Variants in PHF12 observed in about 807,000 individuals in gnomAD.
PHF12 encodes PHD factor 1.
Under a neutral mutation model 99.8 loss-of-function variants are expected in PHF12, and 6 were observed. The ratio of observed to expected loss-of-function variants is 0.06; its 90% CI spans 0.03 to 0.12. The LOEUF (loss-of-function observed/expected upper bound fraction) is 0.12, where lower values mean the gene tolerates loss of function less well. Ranked by LOEUF, PHF12 falls within the 10% of genes least tolerant of loss-of-function variation. The pLI is 1.00. For synonymous variants in PHF12, 480 were observed against 514.9 expected (o/e 0.93, Z 0.92); for missense variants, 954 against 1,300.1 (o/e 0.73, Z 4.09).
chr17:28,913,779 G>A, intron 8 of PHF12, 100 bp downstream of exon 8: 1 of 1,472,636 alleles, frequency 6.8e-7, no homozygotes, highest in Non-Finnish European at 9.2e-7. Flanking sequence ...GAGGGTGGGT[G>A]GGGACTGGAA....
Position 28,949,053 on chromosome 17 carries a change from A to AG in PHF12, c.248+1011dup, listed in dbSNP as rs1179578198. 6.6e-6 allele frequency among the ~76,000 whole-genome samples: 1 copy of AG among 151,938 alleles called. No homozygotes were observed. Among genetic ancestry groups the AG allele is most frequent in the Non-Finnish European group, 1.5e-5 (1 of 67,954 alleles). ...GGATCACGCAGCGGGCGATCAACTC[A>AG]GGTCCCTCCCTCTCGGTTCGGTCTC... On this transcript the variant is annotated intron_variant, in intron 2 of 14. Transcript: ENST00000332830. This position sits in a 1 kb window ranked among gnomAD's most constrained non-coding sequence, Gnocchi z 4.6.
chr17:28,949,690 A>C lies in PHF12; in HGVS notation c.248+375T>G. 5.8e-6 allele frequency: 1 copy of C among 173,100 alleles called. No homozygotes were observed. The highest frequency in any genetic ancestry group is 1.2e-5 in the Non-Finnish European group (1 of 81,580). 10.7% of individuals were successfully genotyped at this position (173,100 alleles called of 1,614,324 possible). ...CACCCCGAGGAGATCCCGGCCGGGC[A>C]GGAGCCCCGAGGGCAGCGGGCGCGC... On this transcript the variant is annotated intron_variant, in intron 2 of 14. Coordinates refer to ENST00000332830, the MANE Select transcript of PHF12 (RefSeq NM_001033561.2). The surrounding 1 kb of genome is among the most constrained non-coding windows in gnomAD (Gnocchi z 4.6).
At chr17:28,943,901 T>C (rs1423497032) in intron 2 of PHF12, among the ~76,000 whole-genome samples, 1 of 152,264 alleles carries the variant, frequency 6.6e-6, no homozygotes, top group Non-Finnish European at 1.5e-5. Flanking sequence ...TCACTTGTAC[T>C]TTCACTCAGG....
chr17:28,912,401 G>T (rs1050465067), intron 9 of PHF12, 81 bp downstream of exon 9: 2 of 1,501,086 alleles, frequency 1.3e-6, no homozygotes, highest in Non-Finnish European at 1.8e-6. Flanking sequence ...TATTCACAGG[G>T]ATATAAGTGC....
At chr17:28,921,069 T>C (rs1407113711) in intron 5 of PHF12, among the ~76,000 whole-genome samples, 1 of 148,194 alleles carries the variant, frequency 6.7e-6, no homozygotes, top group Non-Finnish European at 1.5e-5. Flanking sequence ...AATTTTTAGT[T>C]GAGACAGGGT....
rs373492527 is a variant in PHF12, at chr17:28,921,777, G to T, written c.747C>A (p.Thr249=). Residue 249 remains threonine, a synonymous_variant, in exon 5 of 15, where the codon ACC becomes ACA. Transcript: ENST00000332830. ...GSSKRRRKEE[T]TGKNVKKTQH... is the part of the protein sequence containing the mutation. ...GTGTCTTCTTAACATTTTTCCCTGT[G>T]GTTTCCTCCTTTCTTCTCCTCTTGC... 8.7e-6 allele frequency: 14 copies of T among 1,613,990 alleles called. No homozygotes were observed. The highest frequency in any genetic ancestry group is 7.7e-5 in the South Asian group (7 of 91,076).
Position 28,917,285 on chromosome 17 carries a change from C to A in PHF12, c.1134G>T (p.Lys378Asn). 1 of 1,613,474 alleles carries A rather than the reference C, an allele frequency of 6.2e-7. No individual in the cohort carries two copies. The highest frequency in any genetic ancestry group is 8.5e-7 in the Non-Finnish European group (1 of 1,180,026). The change falls in exon 7 of 15, where the codon AAG becomes AAT. Residue 378 changes from lysine (K) to asparagine (N), a missense_variant and splice_region_variant. Around this residue, in one of 8 missense-constraint regions of PHF12, gnomAD observed 392 missense variants for 423.1 expected, o/e 0.93. Coordinates refer to ENST00000332830, the MANE Select transcript of PHF12 (RefSeq NM_001033561.2). Reference sequence around the variant, plus strand: ...TTGCCTGCACCTGATTGTGACTCACCTTCAAGCTTCTTCTTTTGACCGACT... The same window carrying A: ...TTGCCTGCACCTGATTGTGACTCACATTCAAGCTTCTTCTTTTGACCGACT... ...VLQSVKRRSL[K>N]VPDAIKSQYQ...
At chr17:28,916,047 A>G (rs1225972359) in intron 7 of PHF12, among the ~76,000 whole-genome samples, 1 of 152,214 alleles carries the variant, frequency 6.6e-6, no homozygotes, top group Non-Finnish European at 1.5e-5. Flanking sequence ...CTTTAATATC[A>G]TCCATTTCCG....
At chr17:28,946,095 G>A (rs576013133) in intron 2 of PHF12, among the ~76,000 whole-genome samples, 23 of 152,188 alleles carry the variant, frequency 1.5e-4, no homozygotes, top group African/African-American at 5.5e-4. Context: ...TTGCGCTACT[G>A]CACTCCAGCC....
chr17:28,923,789 T>C (rs2152666648), intron 4 of PHF12, 120 bp downstream of exon 4: 3 of 1,241,026 alleles, frequency 2.4e-6, no homozygotes, highest in South Asian at 1.6e-5. Context: ...CAAGCAGAAC[T>C]AGGAACAGGA....
Position 28,906,293 on chromosome 17 carries a change from T to C in PHF12, c.2905A>G (p.Thr969Ala), listed in dbSNP as rs764091324. The C allele has an allele frequency of 1.2e-6, 2 of 1,614,200 alleles. No individual in the cohort carries two copies. The highest frequency in any genetic ancestry group is 1.7e-6 in the Non-Finnish European group (2 of 1,180,018). ...CTGGCATCGCCTTTGGGCTGTTTGG[T>C]CGCAAACTCAGTGATGCTGAAGACA... is the stretch of plus-strand genomic sequence containing the variant. ...QFVFSITEFATKQPKGDASLL... is the reference protein window; with the variant it reads ...QFVFSITEFAAKQPKGDASLL... The change falls in exon 15 of 15, where the codon ACC becomes GCC. Residue 969 changes from threonine (T) to alanine (A), a missense_variant. Thr to Ala is a moderately conservative substitution (Grantham distance 58). Around this residue, in one of 8 missense-constraint regions of PHF12, gnomAD observed 136 missense variants for 172.3 expected, o/e 0.79. Transcript: ENST00000332830. This position sits in a 1 kb window ranked among gnomAD's most constrained non-coding sequence, Gnocchi z 4.2.
intron 4 of PHF12, among the ~76,000 whole-genome samples, chr17:28,923,651 C>CAAAAAAAAAAAGAAAAAAAAA (rs1491183033): frequency 4.6e-5 from 1 of 21,958 alleles, no homozygotes; most frequent in Non-Finnish European, 7.6e-5. Flanking sequence ...AAGTGAGACT[C>CAAAAAAAAAAAGAAAAAAAAA]ACAAAAAAAA....
At chr17:28,938,946 C>T (rs1186836577) in intron 2 of PHF12, among the ~76,000 whole-genome samples, 1 of 152,168 alleles carries the variant, frequency 6.6e-6, no homozygotes, top group African/African-American at 2.4e-5. Context: ...GAATGATCAC[C>T]CTAAAGGTCT....
chr17:28,949,973 G>T lies in PHF12; in HGVS notation c.248+92C>A. On this transcript the variant is annotated intron_variant, in intron 2 of 14. Transcript: ENST00000332830. This position sits in a 1 kb window ranked among gnomAD's most constrained non-coding sequence, Gnocchi z 4.6. ...AGAAAGTCAGCTAGCGGCTGCAAGC[G>T]CCCGTTATTTCGGCAGTCAGGGGCA... 1 of 1,381,762 alleles carries T rather than the reference G, an allele frequency of 7.2e-7. No homozygotes were observed. Among genetic ancestry groups the T allele is most frequent in the South Asian group, 1.5e-5 (1 of 68,906 alleles). The allele number at this position is 1,381,762 out of a possible 1,614,324, so 85.6% of individuals were successfully genotyped here.
intron 2 of PHF12, among the ~76,000 whole-genome samples, chr17:28,942,872 T>C (rs2040645022): frequency 6.6e-6 from 1 of 151,492 alleles, no homozygotes; most frequent in Non-Finnish European, 1.5e-5. Context: ...ATGGGGGAAG[T>C]GTAAAGACAA....
chr17:28,907,124 C>T (rs2039885161), intron 13 of PHF12, 130 bp from the exon 14 acceptor site: 2 of 1,110,758 alleles, frequency 1.8e-6, no homozygotes, highest in Non-Finnish European at 2.5e-6. Flanking sequence ...CCAGTCATGG[C>T]CCCTGTCCTT....
At chr17:28,929,496 C>T (rs1328307074) in intron 2 of PHF12, among the ~76,000 whole-genome samples, 2 of 152,192 alleles carry the variant, frequency 1.3e-5, no homozygotes, top group African/African-American at 2.4e-5. Context: ...CCACCAACCT[C>T]GGCCTCCCAA....
rs2039866742 is a variant in PHF12 at position 28,906,115 on chromosome 17, T to C, written c.*68A>G. 1.4e-6 allele frequency: 2 copies of C among 1,472,036 alleles called. No homozygotes were observed. Among genetic ancestry groups the C allele is most frequent in the East Asian group, 2.3e-5 (1 of 43,180 alleles). 91.2% of individuals were successfully genotyped at this position (1,472,036 alleles called of 1,614,324 possible). On this transcript the variant is annotated 3_prime_UTR_variant, in exon 15 of 15. Transcript: ENST00000332830. This position sits in a 1 kb window ranked among gnomAD's most constrained non-coding sequence, Gnocchi z 4.2. Reference sequence around the variant, plus strand: ...GTATAGAAAACACCCGGGCTTGGTTTGTGTACATTTTTGCATTGCAGGAGT... The same window carrying C: ...GTATAGAAAACACCCGGGCTTGGTTCGTGTACATTTTTGCATTGCAGGAGT...
intron 7 of PHF12, among the ~76,000 whole-genome samples, chr17:28,914,692 A>T (rs2040031360): frequency 6.6e-6 from 1 of 150,600 alleles, no homozygotes; most frequent in Admixed American, 6.6e-5. Flanking sequence ...AAAAAAAAAA[A>T]AAAAAAAAAA....
Sources: allele counts gnomAD v4.1 joint callset (sites outside exome capture counted in the v4.1 genomes callset), GRCh38; gene constraint gnomAD v4.1.1; regional missense constraint gnomAD v4.1.1; non-coding constraint Gnocchi (gnomAD v3.1); transcripts MANE v1.5; gene names NCBI Gene and HGNC (gene_info 2026-07-23, HGNC 2026-07-21).